SAMD9L: variants seen among roughly 807,000 people sequenced by gnomAD.
SAMD9L encodes sterile alpha motif domain-containing protein 9-like.
A neutral mutation model predicts 90.7 loss-of-function variants in SAMD9L; 68 were observed. That is an observed-to-expected ratio of 0.75 (90% CI 0.62 to 0.92). The LOEUF is 0.92. SAMD9L is among the 40% of genes least tolerant of loss of function. SAMD9L has a pLI of 0.00. For missense variants in SAMD9L, 1,604 were observed against 1,824.3 expected, an observed-to-expected ratio of 0.88 and a Z score of 2.20; for synonymous variants, 640 against 630.1, an observed-to-expected ratio of 1.02 and a Z score of -0.23.
chr7:93,139,396 A>T (rs532821878), intron 4 of SAMD9L, among the ~76,000 whole-genome samples: 4 of 152,290 alleles, frequency 2.6e-5, no homozygotes, highest in African/African-American at 9.6e-5. Flanking sequence ...TGTAGATGTA[A>T]TTAGTTGACA....
intron 2 of SAMD9L, among the ~76,000 whole-genome samples, 199 bp from the exon 3 acceptor site, chr7:93,146,239 A>G (rs1792886032): frequency 6.6e-6 from 1 of 151,696 alleles, no homozygotes; most frequent in South Asian, 2.1e-4. Context: ...CAGCCACTAC[A>G]CTTGTTTTCC....
At chr7:93,140,128 G>A (rs1792625090) in intron 4 of SAMD9L, among the ~76,000 whole-genome samples, 1 of 151,978 alleles carries the variant, frequency 6.6e-6, no homozygotes, top group African/African-American at 2.4e-5. Context: ...GAACATGGCT[G>A]GACAATGGCC....
In SAMD9L at chr7:93,131,099, G is replaced by A; in HGVS notation, c.*118C>T. ...TTGTAATTCATTCAGGGAGGCAAAAGCAAAATCTGTAATTAGAGGTTAGCC... is the reference window on the plus strand; with the variant it reads ...TTGTAATTCATTCAGGGAGGCAAAAACAAAATCTGTAATTAGAGGTTAGCC... On this transcript the variant is annotated 3_prime_UTR_variant, in exon 5 of 5. Coordinates refer to ENST00000318238, the MANE Select transcript of SAMD9L (RefSeq NM_152703.5). 1 of 644,326 alleles carries A rather than the reference G, an allele frequency of 1.6e-6. No homozygotes were observed. Among genetic ancestry groups the A allele is most frequent in the Admixed American group, 3.7e-5 (1 of 27,024 alleles). 39.9% of individuals were successfully genotyped at this position (644,326 alleles called of 1,614,324 possible).
Position 93,133,150 on chromosome 7 carries a change from T to C in SAMD9L, c.2822A>G (p.Gln941Arg), listed in dbSNP as rs1792219798. The change falls in exon 5 of 5, where the codon CAG (glutamine) becomes CGG (arginine). Residue 941 changes from glutamine to arginine, a missense_variant. Physicochemically the swap from Gln to Arg is conservative, Grantham distance 43 (BLOSUM62 1). Around this residue, in one of 7 missense-constraint regions of SAMD9L, gnomAD observed 606 missense variants for 717.6 expected, o/e 0.84. Coordinates refer to ENST00000318238, the MANE Select transcript of SAMD9L (RefSeq NM_152703.5). ...YVTDSTISVSQCEIFLGIIYT... is the reference protein window; with the variant it reads ...YVTDSTISVSRCEIFLGIIYT... The stretch of plus-strand genomic sequence containing the variant: ...TATGATTCCCAAAAATATTTCACAC[T>C]GTGAAACTGAAATTGTAGAGTCAGT... 1 of 1,613,468 alleles carries C rather than the reference T, an allele frequency of 6.2e-7. No individual in the cohort carries two copies. The highest frequency in any genetic ancestry group is 1.1e-5 in the South Asian group (1 of 91,046).
At chr7:93,138,935 C>T (rs1290018904) in intron 4 of SAMD9L, among the ~76,000 whole-genome samples, 1 of 152,058 alleles carries the variant, frequency 6.6e-6, no homozygotes, top group Non-Finnish European at 1.5e-5. Flanking sequence ...ATAAACATAT[C>T]CTTAATGAAA....
chr7:93,146,508 CT>C (rs1426986124), intron 2 of SAMD9L, among the ~76,000 whole-genome samples: 1 of 152,182 alleles, frequency 6.6e-6, no homozygotes, highest in East Asian at 1.9e-4. Context: ...GGACAAATTT[CT>C]TTACATTTTG....
At chr7:93,139,119 G>A (rs1259857150) in intron 4 of SAMD9L, among the ~76,000 whole-genome samples, 2 of 152,078 alleles carry the variant, frequency 1.3e-5, no homozygotes, top group Non-Finnish European at 2.9e-5. Context: ...AATGTAGGAA[G>A]CTGAAGGGAA....
chr7:93,132,017 CTT>C lies in SAMD9L; in HGVS notation c.3953_3954del (p.Lys1318ArgfsTer21), dbSNP rs993843172. The C allele has an allele frequency of 6.2e-7, 1 of 1,613,248 alleles. No individual in the cohort carries two copies. Among genetic ancestry groups the C allele is most frequent in the African/African-American group, 1.3e-5 (1 of 74,884 alleles). On this transcript the variant is annotated frameshift_variant, in exon 5 of 5. Transcript: ENST00000318238. LOFTEE classifies it high-confidence loss of function. ...CHLDPCLLQS[K>X]ESQLLQEENC... is the part of the protein sequence containing the mutation. ...TTCTCCTCCTGGAGTAATTGACTCT[CTT>C]TACTTTGTAATAGACATGGATCCAA...
In SAMD9L at chr7:93,131,674, A is replaced by G. The variant is rs146611034; in HGVS notation, c.4298T>C (p.Leu1433Pro). The G allele has an allele frequency of 2.8e-5, 45 of 1,613,826 alleles. No homozygotes were observed. In the African/African-American group the frequency reaches 5.6e-4, roughly 20 times the overall value. The change falls in exon 5 of 5, where the codon CTG becomes CCG. Residue 1433 changes from leucine (L) to proline (P), a missense_variant. Coordinates refer to ENST00000318238, the MANE Select transcript of SAMD9L (RefSeq NM_152703.5). ...YPGPYFLACL[L>P]FWPENQELDQ... ...TAGCTCTTGATTTTCTGGCCAGAAC[A>G]GGAGGCAGGCCAAGAAATAAGGACC...
At chr7:93,147,796 A>G (rs563242084) in intron 1 of SAMD9L, among the ~76,000 whole-genome samples, 31 of 152,338 alleles carry the variant, frequency 2.0e-4, no homozygotes, top group Non-Finnish European at 3.2e-4. Context: ...AAAATGTAAA[A>G]GTTTTAATAA....
chr7:93,138,088 G>T (rs1792528153), intron 4 of SAMD9L, among the ~76,000 whole-genome samples: 1 of 152,156 alleles, frequency 6.6e-6, no homozygotes, highest in Non-Finnish European at 1.5e-5. Flanking sequence ...GCTTCAGTCT[G>T]CAGATCACAA....
rs1312494186 is a variant in SAMD9L at position 93,145,406 on chromosome 7, T to A, written c.-144A>T. Reference sequence around the variant, plus strand: ...TTACCAGGGCTTTTCTGAAAACTTCTATCTTTATATTAGAAACATAAAATA... The same window carrying A: ...TTACCAGGGCTTTTCTGAAAACTTCAATCTTTATATTAGAAACATAAAATA... On this transcript the variant is annotated 5_prime_UTR_variant, in exon 3 of 5. Coordinates refer to ENST00000318238, the MANE Select transcript of SAMD9L (RefSeq NM_152703.5). The A allele has an allele frequency of 6.6e-6, 1 of 152,264 alleles. No individual in the cohort carries two copies. The highest frequency in any genetic ancestry group is 1.5e-5 in the Non-Finnish European group (1 of 68,044). The allele number at this position is 152,264 out of a possible 1,614,324, so 9.4% of individuals were successfully genotyped here.
rs1792254165 is a variant in SAMD9L, at chr7:93,133,649, C to G, written c.2323G>C (p.Ala775Pro). 6.2e-7 allele frequency: 1 copy of G among 1,613,374 alleles called. No homozygotes were observed. Among genetic ancestry groups the G allele is most frequent in the Non-Finnish European group, 8.5e-7 (1 of 1,179,804 alleles). Residue 775 changes from alanine to proline, a missense_variant, in exon 5 of 5, where the codon GCA becomes CCA. This residue lies in a region of SAMD9L where 606 missense variants were observed against 717.6 expected (regional missense o/e 0.84). Transcript: ENST00000318238. ...TTGATCACTTGCTCTGCAATTTCTG[C>G]AAAATCAGTTGTCTTGTTTTTTAAC... is the stretch of plus-strand genomic sequence containing the variant. ...AVLKNKTTDF[A>P]EIAEQVINLV...
At chr7:93,139,351 C>T (rs943342236) in intron 4 of SAMD9L, among the ~76,000 whole-genome samples, 2 of 152,126 alleles carry the variant, frequency 1.3e-5, no homozygotes, top group African/African-American at 4.8e-5. Context: ...ACCTCCAGCA[C>T]CTTAGAATGT....
intron 4 of SAMD9L, among the ~76,000 whole-genome samples, chr7:93,144,293 C>T (rs1219685347): frequency 2.6e-5 from 4 of 152,044 alleles, no homozygotes; most frequent in Non-Finnish European, 5.9e-5. Flanking sequence ...TCAGTGGGTA[C>T]CACATCTGTG....
intron 4 of SAMD9L, among the ~76,000 whole-genome samples, 187 bp downstream of exon 4, chr7:93,144,545 G>A (rs1193670458): frequency 6.6e-6 from 1 of 152,228 alleles, no homozygotes; most frequent in East Asian, 1.9e-4. Context: ...GCATGTACAG[G>A]TTTTGGTATC....
At position 93,132,186 on chromosome 7, in the gene SAMD9L, T is replaced by A; in HGVS notation, c.3786A>T (p.Ser1262=). Residue 1262 remains serine, a synonymous_variant, in exon 5 of 5, where the codon TCA becomes TCT. Coordinates refer to ENST00000318238, the MANE Select transcript of SAMD9L (RefSeq NM_152703.5). The part of the protein sequence containing the change: ...KFTSHLKNLQ[S]DLKRCFDFFI... ...AAAAGTCAAAGCACCTTTTCAGATCTGATTGTAAATTTTTTAGGTGGGATG... is the reference window on the plus strand; with the variant it reads ...AAAAGTCAAAGCACCTTTTCAGATCAGATTGTAAATTTTTTAGGTGGGATG... 1 of 1,613,728 alleles carries A rather than the reference T, an allele frequency of 6.2e-7. No homozygotes were observed. Among genetic ancestry groups the A allele is most frequent in the Non-Finnish European group, 8.5e-7 (1 of 1,179,836 alleles).
At position 93,133,444 on chromosome 7, in the gene SAMD9L, C is replaced by T. The variant is rs200160724; in HGVS notation, c.2528G>A (p.Arg843Gln). 2.1e-4 allele frequency: 333 copies of T among 1,612,942 alleles called. 1 individual carries two copies. Among genetic ancestry groups the T allele is most frequent in the Non-Finnish European group, 2.6e-4 (306 of 1,179,230 alleles). ...CAATTTTGCACTTTCATCTGGATTC[C>T]GGGATCTCATGCAGTTTAAGATAAT... ...LVIILNCMRS[R>Q]NPDESAKLAD... The change falls in exon 5 of 5, where the codon CGG becomes CAG. Residue 843 changes from arginine (R) to glutamine (Q), a missense_variant. Arg to Gln is a conservative substitution (Grantham distance 43, BLOSUM62 1). This residue lies in a region of SAMD9L where 606 missense variants were observed against 717.6 expected (regional missense o/e 0.84). Coordinates refer to ENST00000318238, the MANE Select transcript of SAMD9L (RefSeq NM_152703.5).
Position 93,134,236 on chromosome 7 carries a change from C to T in SAMD9L, c.1736G>A (p.Cys579Tyr). 1 of 1,613,326 alleles carries T rather than the reference C, an allele frequency of 6.2e-7. No homozygotes were observed. Among genetic ancestry groups the T allele is most frequent in the South Asian group, 1.1e-5 (1 of 91,040 alleles). Residue 579 changes from cysteine to tyrosine, a missense_variant, in exon 5 of 5, where the codon TGT becomes TAT. Cys to Tyr is a radical substitution (Grantham distance 194). This residue lies in a region of SAMD9L where 606 missense variants were observed against 717.6 expected (regional missense o/e 0.84). Transcript: ENST00000318238. ...QALKGMENML[C>Y]ISVNSHIYQR... is the part of the protein sequence containing the mutation. ...ATAAATATGTGAGTTTACAGAGATA[C>T]ACAACATATTTTCCATTCCTTTGAG...
Sources: allele counts gnomAD v4.1 joint callset (sites outside exome capture counted in the v4.1 genomes callset), GRCh38; gene constraint gnomAD v4.1.1; regional missense constraint gnomAD v4.1.1; transcripts MANE v1.5; gene names NCBI Gene and HGNC (gene_info 2026-07-23, HGNC 2026-07-21).